NHSL2: variants seen among roughly 807,000 people sequenced by gnomAD.
NHSL2 encodes the protein NHS like 2, also known as NHS-like protein 2.
In NHSL2, 27 loss-of-function variants were observed where a neutral mutation model predicts 53.4. That is an observed-to-expected ratio of 0.51 (90% confidence interval 0.37 to 0.70). The LOEUF is 0.70. Among genes scored for constraint, NHSL2 ranks in the 30% least tolerant of loss-of-function variants. NHSL2 has a pLI of 0.00. For missense variants in NHSL2, 892 were observed against 980.1 expected, an observed-to-expected ratio of 0.91 and a Z score of 1.20; for synonymous variants, 408 against 404.1, an observed-to-expected ratio of 1.01 and a Z score of -0.12.
chrX:72,125,312 T>C (rs2042215023), intron 1 of NHSL2, among the ~76,000 whole-genome samples: 1 of 111,849 alleles, frequency 8.9e-6, no homozygotes, highest in Non-Finnish European at 1.9e-5. Flanking sequence ...TCCTCCAAGC[T>C]TTGTACCACC....
chrX:72,102,078 G>C (rs756131586), intron 1 of NHSL2, among the ~76,000 whole-genome samples: 2 of 112,585 alleles, frequency 1.8e-5, no homozygotes, highest in African/African-American at 6.5e-5. Context: ...AGCCTGTCAC[G>C]TGCATGGGAG....
At position 72,140,739 on chromosome X, in the gene NHSL2, A is replaced by G; in HGVS notation, c.3191A>G (p.Gln1064Arg). The stretch of plus-strand genomic sequence containing the variant: ...GGTCAAAGGGTGACTTCAACTCCTC[A>G]GGCTGACAGTGAAAGGGAGGCAAGC... ...SLGQRVTSTP[Q>R]ADSEREASPL... The change falls in exon 6 of 8, where the codon CAG becomes CGG. Residue 1064 changes from glutamine (Q) to arginine (R), a missense_variant. Transcript: ENST00000633930. 1 of 1,188,849 alleles carries G rather than the reference A, an allele frequency of 8.4e-7. No individual in the cohort carries two copies. The highest frequency in any genetic ancestry group is 1.1e-6 in the Non-Finnish European group (1 of 883,571).
chrX:72,086,683 C>CAAAAAAA (rs34481140), intron 1 of NHSL2, among the ~76,000 whole-genome samples: 13 of 22,487 alleles, frequency 5.8e-4, no homozygotes, highest in Admixed American at 7.7e-4. Flanking sequence ...AACTCCATCT[C>CAAAAAAA]AAAAAAAAAA....
chrX:72,144,161 A>G lies in NHSL2; in HGVS notation c.*587A>G, dbSNP rs1214551237. ...TTGGATGGCTTTTGTGGTGCAAAAT[A>G]TGACTGTGACTCTGTCCTGAAACTT... On this transcript the variant is annotated 3_prime_UTR_variant, in exon 8 of 8. Transcript: ENST00000633930. 1 of 134,827 alleles carries G rather than the reference A, an allele frequency of 7.4e-6. No individual in the cohort carries two copies. The highest frequency in any genetic ancestry group is 3.2e-5 in the African/African-American group (1 of 31,232). 11.1% of individuals were successfully genotyped at this position (134,827 alleles called of 1,213,427 possible).
intron 1 of NHSL2, among the ~76,000 whole-genome samples, chrX:72,067,881 G>A (rs1569477158): frequency 8.9e-6 from 1 of 112,087 alleles, no homozygotes; most frequent in Non-Finnish European, 1.9e-5. Flanking sequence ...TGGAATTGTT[G>A]AAGAAAACTG....
chrX:72,130,294 T>C (rs2042275204), intron 1 of NHSL2: 2 of 1,194,350 alleles, frequency 1.7e-6, no homozygotes, highest in Non-Finnish European at 2.3e-6. Context: ...CTCTCCTTCC[T>C]CCTCATTCTT....
rs775384234 is a variant in NHSL2 at position 71,934,465 on chromosome X, C to A, written c.280+23098C>A. On this transcript the variant is annotated intron_variant, in intron 1 of 7. Transcript: ENST00000633930. ...CAAATTCTCACTCGCTGGAACTGTC[C>A]GATGTGGATTGATGGGAGGGATGTG... Among the ~76,000 whole-genome samples the A allele has an allele frequency of 3.6e-5, 4 of 112,345 alleles. No homozygotes were observed. In the South Asian group the frequency reaches 1.5e-3, roughly 42 times the overall value.
At chrX:72,058,414 G>A (rs1036845462) in intron 1 of NHSL2, among the ~76,000 whole-genome samples, 6 of 111,031 alleles carry the variant, frequency 5.4e-5, no homozygotes, top group Non-Finnish European at 1.1e-4. Flanking sequence ...ATGCAATCTC[G>A]GCTCACTGCA....
At chrX:72,098,874 C>A (rs1311767757) in intron 1 of NHSL2, among the ~76,000 whole-genome samples, 3 of 111,666 alleles carry the variant, frequency 2.7e-5, no homozygotes, top group African/African-American at 9.8e-5. Context: ...TCTAGAATAA[C>A]AGTTACTTGT....
chrX:72,120,144 A>G (rs73624214), intron 1 of NHSL2, among the ~76,000 whole-genome samples: 3,867 of 112,258 alleles, frequency 0.034, 116 homozygotes, highest in East Asian at 0.13. Flanking sequence ...ATCTATACTC[A>G]TAAGAGATAT....
Position 72,138,447 on chromosome X carries a change from G to A in NHSL2, c.899G>A (p.Ser300Asn), listed in dbSNP as rs1336947523. The A allele has an allele frequency of 1.3e-5, 15 of 1,138,756 alleles. No individual in the cohort carries two copies. Among genetic ancestry groups the A allele is most frequent in the Non-Finnish European group, 1.5e-5 (13 of 855,182 alleles). The allele number at this position is 1,138,756 out of a possible 1,213,427, so 93.8% of individuals were successfully genotyped here. A position where few individuals can be genotyped will look rare whatever the true frequency, so the allele number is the denominator to read the frequency against. The change falls in exon 6 of 8, where the codon AGC (serine) becomes AAC (asparagine). Residue 300 changes from serine (S) to asparagine (N), a missense_variant. Transcript: ENST00000633930. ...CTGTGTTTATTTCCTCCAGGTCACA[G>A]CAACAGCCCAGCAGGCAGTGTGGCC... ...SNFSQRDQGH[S>N]NSPAGSVAHS...
At chrX:71,918,068 G>A (rs1021575235) in intron 1 of NHSL2, among the ~76,000 whole-genome samples, 4 of 111,651 alleles carry the variant, frequency 3.6e-5, no homozygotes, top group African/African-American at 1.3e-4. Flanking sequence ...AGGCAACCTC[G>A]GCTCCTTCAT....
intron 1 of NHSL2, among the ~76,000 whole-genome samples, chrX:72,074,668 G>A (rs1484553194): frequency 8.9e-6 from 1 of 112,789 alleles, no homozygotes; most frequent in East Asian, 2.8e-4. Flanking sequence ...GCAAAATAAA[G>A]ATGTTGCATC....
At chrX:72,013,182 T>C (rs923582962) in intron 1 of NHSL2, among the ~76,000 whole-genome samples, 1 of 112,361 alleles carries the variant, frequency 8.9e-6, no homozygotes, top group African/African-American at 3.2e-5. Flanking sequence ...GCATATTTCT[T>C]TCTCTATTTA....
At chrX:72,041,230 G>A (rs1291595539) in intron 1 of NHSL2, among the ~76,000 whole-genome samples, 3 of 111,936 alleles carry the variant, frequency 2.7e-5, no homozygotes, top group Non-Finnish European at 3.8e-5. Flanking sequence ...AAGGCTAAGA[G>A]GGCCCAGGAA....
chrX:71,925,482 A>T (rs1010451042), intron 1 of NHSL2, among the ~76,000 whole-genome samples: 1 of 107,422 alleles, frequency 9.3e-6, no homozygotes, highest in Admixed American at 1.0e-4. Flanking sequence ...GCTGGAGTGC[A>T]GTGGCGCGAT....
rs762539392 is a variant in NHSL2 at position 72,044,620 on chromosome X, T to C, written c.281-87459T>C. 3.5e-6 allele frequency: 4 copies of C among 1,132,109 alleles called. No individual in the cohort carries two copies. In the African/African-American group the frequency reaches 7.2e-5, roughly 20 times the overall value. The allele number at this position is 1,132,109 out of a possible 1,213,427, so 93.3% of individuals were successfully genotyped here. ...CGTGCAGCCTATTCGCTGCACTAAC[T>C]GTGTCCGATGCGTGCCCACAGACAA... On this transcript the variant is annotated intron_variant, in intron 1 of 7. Transcript: ENST00000633930.
chrX:72,082,521 C>T (rs951766912), intron 1 of NHSL2, among the ~76,000 whole-genome samples: 4 of 112,013 alleles, frequency 3.6e-5, no homozygotes, highest in Non-Finnish European at 3.8e-5. Flanking sequence ...ACCATCCTTA[C>T]CCACATTATA....
intron 5 of NHSL2, 85 bp from the exon 6 acceptor site, chrX:72,138,356 G>T: frequency 1.3e-6 from 1 of 771,197 alleles, no homozygotes; most frequent in Non-Finnish European, 1.8e-6. Context: ...AATGCTTCTT[G>T]GCAAAAAGTT....
Sources: gnomAD v4.1 joint callset for allele counts (sites outside exome capture counted in the v4.1 genomes callset) on GRCh38, gnomAD v4.1.1 for gene constraint, MANE v1.5 for transcripts, NCBI Gene and HGNC (gene_info 2026-07-23, HGNC 2026-07-21) for gene names.